The following HTR3D variants were observed in gnomAD, a reference collection of about 807,000 sequenced individuals.
The protein encoded by HTR3D is 5-hydroxytryptamine (serotonin) receptor 3 family member D.
HTR3D carries 47 observed loss-of-function variants against 45.8 expected under a neutral mutation model. The observed-to-expected ratio is 1.03, with a 90% CI of 0.81 to 1.31. HTR3D has a LOEUF of 1.31. HTR3D is among the 50% of genes most tolerant of loss of function. The pLI, the probability that HTR3D is intolerant of heterozygous loss-of-function variation, is 0.00. For synonymous variants in HTR3D, 203 were observed against 199.8 expected, an observed-to-expected ratio of 1.02 and a Z score of -0.13; for missense variants, 448 against 506.9, an observed-to-expected ratio of 0.88 and a Z score of 1.12.
chr3:184,037,611 G>C (rs980647014), intron 5 of HTR3D, among the ~76,000 whole-genome samples: 8 of 152,164 alleles, frequency 5.3e-5, no homozygotes, highest in African/African-American at 1.9e-4. Flanking sequence ...CAAAATATCT[G>C]ATACTGTCTG....
In HTR3D at chr3:184,038,549, G is replaced by A. The variant is rs375125073; in HGVS notation, c.910G>A (p.Gly304Ser). Residue 304 changes from glycine to serine, a missense_variant, in exon 7 of 8, where the codon GGC becomes AGC. Gly to Ser is a moderately conservative substitution (Grantham distance 56, BLOSUM62 0). Coordinates refer to ENST00000428798, the MANE Select transcript of HTR3D (RefSeq NM_001145143.1). This position sits in a 1 kb window ranked among gnomAD's most constrained non-coding sequence, Gnocchi z 4.5. ...WLHSLLLHCTGQGRCCPTAPQ... is the reference protein window; with the variant it reads ...WLHSLLLHCTSQGRCCPTAPQ... ...CCACTCCCTGCTGCTGCACTGCACC[G>A]GCCAAGGGAGATGCTGTCCCACTGC... 193 of 1,613,922 alleles carry A rather than the reference G, an allele frequency of 1.2e-4. 1 individual carries two copies. Among genetic ancestry groups the A allele is most frequent in the South Asian group, 4.2e-4 (38 of 91,068 alleles).
Position 184,036,809 on chromosome 3 carries a change from A to C in HTR3D, c.429A>C (p.Thr143=). 6.4e-7 allele frequency: 1 copy of C among 1,551,994 alleles called. No individual in the cohort carries two copies. Among genetic ancestry groups the C allele is most frequent in the Non-Finnish European group, 8.7e-7 (1 of 1,147,048 alleles). The part of the protein sequence containing the change: ...FQIHHRTSFR[T]RREWVLLGIQ... The stretch of plus-strand genomic sequence containing the variant: ...TACATCACAGAACCTCATTCAGAAC[A>C]AGGAGGGAGTGGGTACTGCTGGGTA... The change falls in exon 5 of 8, where the codon ACA becomes ACC. Residue 143 remains threonine (T), a synonymous_variant. Coordinates refer to ENST00000428798, the MANE Select transcript of HTR3D (RefSeq NM_001145143.1).
At chr3:184,034,441 A>G (rs1279896118) in intron 1 of HTR3D, among the ~76,000 whole-genome samples, 1 of 152,198 alleles carries the variant, frequency 6.6e-6, no homozygotes, top group African/African-American at 2.4e-5. Flanking sequence ...ATAGGGAATT[A>G]CTGTTTAACG....
Position 184,032,026 on chromosome 3 carries a change from G to A in HTR3D, c.66+219G>A, listed in dbSNP as rs1449587864. Among the ~76,000 whole-genome samples the A allele has an allele frequency of 8.3e-5, 11 of 131,860 alleles. No homozygotes were observed. In the East Asian group the frequency reaches 8.7e-4, roughly 10 times the overall value. The allele number at this position is 131,860 out of a possible 152,430, so 86.5% of individuals were successfully genotyped here. On this transcript the variant is annotated intron_variant, in intron 1 of 7. Transcript: ENST00000428798. ...TTTTTTTTTTTTGAGATGGAGTCTC[G>A]CTCTGTTACCCAGGCTAGAGTGCAG...
Position 184,038,896 on chromosome 3 carries a change from T to C in HTR3D, c.1136T>C (p.Met379Thr), listed in dbSNP as rs369631804. The change falls in exon 8 of 8, where the codon ATG becomes ACG. Residue 379 changes from methionine to threonine, a missense_variant. Transcript: ENST00000428798. This position sits in a 1 kb window ranked among gnomAD's most constrained non-coding sequence, Gnocchi z 4.5. ...VELWVQFSHA[M>T]DALLFRLYLL... ...CTGTGGGTGCAGTTCAGCCACGCGA[T>C]GGACGCCCTGCTCTTCCGCCTCTAC... The C allele has an allele frequency of 2.8e-5, 45 of 1,614,108 alleles. No individual in the cohort carries two copies. The African/African-American group carries it at 5.9e-4, about 21-fold the overall frequency.
Position 184,039,016 on chromosome 3 carries a change from G to T in HTR3D, c.*41G>T. On this transcript the variant is annotated 3_prime_UTR_variant, in exon 8 of 8. Coordinates refer to ENST00000428798, the MANE Select transcript of HTR3D (RefSeq NM_001145143.1). Reference sequence around the variant, plus strand: ...CAAACTTCAGTCTGGACTTCTTTTTGCCAGAGAACTCCAGAAACCAGTCAG... The same window carrying T: ...CAAACTTCAGTCTGGACTTCTTTTTTCCAGAGAACTCCAGAAACCAGTCAG... 1 of 1,600,076 alleles carries T rather than the reference G, an allele frequency of 6.2e-7. No homozygotes were observed. The highest frequency in any genetic ancestry group is 8.5e-7 in the Non-Finnish European group (1 of 1,169,878).
intron 5 of HTR3D, 124 bp from the exon 6 acceptor site, chr3:184,037,897 G>A: frequency 8.4e-7 from 1 of 1,193,798 alleles, no homozygotes; most frequent in Non-Finnish European, 1.2e-6. Flanking sequence ...ATGCTGAAAG[G>A]GACGGGAGGT....
chr3:184,038,393 AC>A lies in HTR3D; in HGVS notation c.770-11del. The stretch of plus-strand genomic sequence containing the variant: ...GGTGGCGCCTCTGGCCCTCATGCAG[AC>A]CCCCTTGCCTGCAGGTGTCTACTTC... On this transcript the variant is annotated splice_polypyrimidine_tract_variant and intron_variant, in intron 6 of 7. Coordinates refer to ENST00000428798, the MANE Select transcript of HTR3D (RefSeq NM_001145143.1). This position sits in a 1 kb window ranked among gnomAD's most constrained non-coding sequence, Gnocchi z 4.5. 1 of 1,613,888 alleles carries A rather than the reference AC, an allele frequency of 6.2e-7. No homozygotes were observed.
chr3:184,037,042 T>G, intron 5 of HTR3D, 146 bp downstream of exon 5: 1 of 726,014 alleles, frequency 1.4e-6, no homozygotes, highest in Non-Finnish European at 2.2e-6. Context: ...TCACTCTTTT[T>G]TTTTTTTTAA....
chr3:184,037,016 C>A, intron 5 of HTR3D, 120 bp downstream of exon 5: 2 of 856,516 alleles, frequency 2.3e-6, no homozygotes, highest in Non-Finnish European at 3.5e-6. Flanking sequence ...GCGTGAACCA[C>A]GAAGCCCGGC....
At chr3:184,037,918 T>C (rs1405033825) in intron 5 of HTR3D, 103 bp from the exon 6 acceptor site, 2 of 1,416,728 alleles carry the variant, frequency 1.4e-6, no homozygotes, top group African/African-American at 1.4e-5. Context: ...AATATTTCCT[T>C]ACTAGACAGT....
At chr3:184,031,727 G>A (rs1407178822), upstream of HTR3D, 4 of 1,546,998 alleles carry the variant, frequency 2.6e-6, no homozygotes, top group Non-Finnish European at 3.5e-6. Flanking sequence ...CCAGAGAAGT[G>A]CCAAAGAGAG....
In HTR3D at chr3:184,036,093, G is replaced by A. The variant is rs1176957558; in HGVS notation, c.190G>A (p.Glu64Lys). 25 of 1,550,478 alleles carry A rather than the reference G, an allele frequency of 1.6e-5. No individual in the cohort carries two copies. Among genetic ancestry groups the A allele is most frequent in the Middle Eastern group, 1.7e-4 (1 of 6,012 alleles). ...ENLWLSDVFI[E>K]ESVDQTPAGL... is the part of the protein sequence containing the mutation. ...CCTATGGCTTTCAGATGTCTTCATC[G>A]AGGAGTCGTGAGTCTCAGGCCAAAA... Residue 64 changes from glutamate to lysine, a missense_variant, in exon 3 of 8, where the codon GAG becomes AAG. Physicochemically the swap from Glu to Lys is moderately conservative, Grantham distance 56 (BLOSUM62 1). Transcript: ENST00000428798.
chr3:184,037,935 T>C, intron 5 of HTR3D, 86 bp from the exon 6 acceptor site: 1 of 1,524,082 alleles, frequency 6.6e-7, no homozygotes, highest in South Asian at 1.2e-5. Flanking sequence ...CAGTTTGGCC[T>C]GGGACAAATC....
chr3:184,036,804 A>C lies in HTR3D; in HGVS notation c.424A>C (p.Arg142=), dbSNP rs1282439655. The C allele has an allele frequency of 6.4e-7, 1 of 1,552,068 alleles. No individual in the cohort carries two copies. The highest frequency in any genetic ancestry group is 2.0e-5 in the Admixed American group (1 of 51,008). The change falls in exon 5 of 8, where the codon AGA becomes CGA. Residue 142 remains arginine, a synonymous_variant. Coordinates refer to ENST00000428798, the MANE Select transcript of HTR3D (RefSeq NM_001145143.1). ...SFQIHHRTSF[R]TRREWVLLGI... is the part of the protein sequence containing the mutation. ...TCAAATACATCACAGAACCTCATTCAGAACAAGGAGGGAGTGGGTACTGCT... is the reference window on the plus strand; with the variant it reads ...TCAAATACATCACAGAACCTCATTCCGAACAAGGAGGGAGTGGGTACTGCT...
Position 184,038,565 on chromosome 3 carries a change from G to T in HTR3D, c.926G>T (p.Cys309Phe). The change falls in exon 7 of 8, where the codon TGT becomes TTT. Residue 309 changes from cysteine to phenylalanine, a missense_variant. Cys to Phe is a radical substitution (Grantham distance 205, BLOSUM62 -2). Coordinates refer to ENST00000428798, the MANE Select transcript of HTR3D (RefSeq NM_001145143.1). This position sits in a 1 kb window ranked among gnomAD's most constrained non-coding sequence, Gnocchi z 4.5. ...CACTGCACCGGCCAAGGGAGATGCT[G>T]TCCCACTGCGCCCCAGAAGGGAAAT... ...LLHCTGQGRC[C>F]PTAPQKGNKG... 1 of 1,613,964 alleles carries T rather than the reference G, an allele frequency of 6.2e-7. No individual in the cohort carries two copies. Among genetic ancestry groups the T allele is most frequent in the Non-Finnish European group, 8.5e-7 (1 of 1,180,032 alleles).
rs1722994297 is a variant in HTR3D at position 184,038,846 on chromosome 3, G to A, written c.1086G>A (p.Glu362=). ...GGACAAGGGCCCAGCGGGAACACGA[G>A]GCCCAGAAGCAGCACTCGGTGGAGC... ...SEWTRAQREH[E]AQKQHSVELW... The change falls in exon 8 of 8, where the codon GAG becomes GAA. Residue 362 remains glutamate (E), a synonymous_variant. Transcript: ENST00000428798. This position sits in a 1 kb window ranked among gnomAD's most constrained non-coding sequence, Gnocchi z 4.5. 3.1e-6 allele frequency: 5 copies of A among 1,614,194 alleles called. No individual in the cohort carries two copies. Among genetic ancestry groups the A allele is most frequent in the East Asian group, 4.5e-5 (2 of 44,868 alleles).
chr3:184,032,769 C>T (rs1722784078), intron 1 of HTR3D: 1 of 1,231,764 alleles, frequency 8.1e-7, no homozygotes, highest in Non-Finnish European at 1.2e-6. Flanking sequence ...GCTCAGCCTA[C>T]TCTTCCTGGA....
Position 184,039,042 on chromosome 3 carries a change from G to GAT in HTR3D, c.*67_*68insAT. 8 of 1,405,494 alleles carry GAT rather than the reference G, an allele frequency of 5.7e-6. No homozygotes were observed. The highest frequency in any genetic ancestry group is 2.4e-5 in the South Asian group (2 of 83,554). 87.1% of individuals were successfully genotyped at this position (1,405,494 alleles called of 1,614,324 possible). On this transcript the variant is annotated 3_prime_UTR_variant, in exon 8 of 8. Coordinates refer to ENST00000428798, the MANE Select transcript of HTR3D (RefSeq NM_001145143.1). ...CCAGAGAACTCCAGAAACCAGTCAGGCTCTCAGTCAGCCTTGTGGCCCTGT... is the reference window on the plus strand; with the variant it reads ...CCAGAGAACTCCAGAAACCAGTCAGGATCTCTCAGTCAGCCTTGTGGCCCTGT...
Sources: allele counts gnomAD v4.1 joint callset (sites outside exome capture counted in the v4.1 genomes callset), GRCh38; gene constraint gnomAD v4.1.1; non-coding constraint Gnocchi (gnomAD v3.1); transcripts MANE v1.5; gene names NCBI Gene and HGNC (gene_info 2026-07-23, HGNC 2026-07-21).